The following CPNE4 variants were observed in gnomAD, a reference collection of about 807,000 sequenced individuals.
CPNE4 encodes copine-4.
In CPNE4, 25 loss-of-function variants were observed where a neutral mutation model predicts 67.9. The ratio of observed to expected loss-of-function variants is 0.37; its 90% CI spans 0.27 to 0.51. CPNE4 has a LOEUF of 0.51. Ranked by LOEUF, CPNE4 falls within the 20% of genes least tolerant of loss-of-function variation. CPNE4 has a pLI of 0.93. For synonymous variants in CPNE4, 242 were observed against 244.9 expected (o/e 0.99, Z 0.11); for missense variants, 464 against 690.8 (o/e 0.67, Z 3.68).
intron 7 of CPNE4, among the ~76,000 whole-genome samples, chr3:131,610,485 T>C (rs1299588172): frequency 6.6e-6 from 1 of 152,174 alleles, no homozygotes; most frequent in East Asian, 1.9e-4. Flanking sequence ...ATTGTTCTCC[T>C]TGAGTGTGCA....
intron 10 of CPNE4, among the ~76,000 whole-genome samples, chr3:131,574,250 C>T (rs961818855): frequency 3.9e-5 from 6 of 152,124 alleles, no homozygotes; most frequent in Admixed American, 3.3e-4. Context: ...CTCTTGTTTA[C>T]GTCCACATTG....
intron 11 of CPNE4, among the ~76,000 whole-genome samples, chr3:131,557,842 G>C (rs1017883935): frequency 6.6e-6 from 1 of 151,978 alleles, no homozygotes; most frequent in Non-Finnish European, 1.5e-5. Flanking sequence ...GTACTTTCTA[G>C]TTAAGCCTGA....
intron 1 of CPNE4, among the ~76,000 whole-genome samples, chr3:131,999,651 G>A (rs2073379664): frequency 6.6e-6 from 1 of 151,948 alleles, no homozygotes; most frequent in African/African-American, 2.4e-5. Context: ...TAGATAACAG[G>A]GTGGGTAGAT....
intron 1 of CPNE4, among the ~76,000 whole-genome samples, chr3:131,952,568 GT>G (rs1210968547): frequency 1.1e-5 from 1 of 89,330 alleles, no homozygotes; most frequent in South Asian, 3.3e-4. Flanking sequence ...CGGGAGGGAG[GT>G]GGGGGGGTCA....
At chr3:131,662,704 A>G (rs2080158235) in intron 7 of CPNE4, among the ~76,000 whole-genome samples, 2 of 152,274 alleles carry the variant, frequency 1.3e-5, no homozygotes, top group South Asian at 2.1e-4. Flanking sequence ...CAAAAAACAT[A>G]TGAAGAAAAG....
At chr3:131,892,392 G>A (rs1239299372) in intron 2 of CPNE4, among the ~76,000 whole-genome samples, 3 of 152,038 alleles carry the variant, frequency 2.0e-5, no homozygotes, top group African/African-American at 7.2e-5. Context: ...AAATGTTGAG[G>A]GAATTCATCA....
At chr3:131,587,699 C>T in intron 7 of CPNE4, 117 bp from the exon 8 acceptor site, 1 of 717,882 alleles carries the variant, frequency 1.4e-6, no homozygotes, top group Non-Finnish European at 2.3e-6. Flanking sequence ...GGAACCAAAG[C>T]CTGGGAGTCT....
At chr3:131,638,605 T>C (rs2079455774) in intron 7 of CPNE4, among the ~76,000 whole-genome samples, 1 of 152,042 alleles carries the variant, frequency 6.6e-6, no homozygotes, top group African/African-American at 2.4e-5. Flanking sequence ...CAGTGCTAGA[T>C]AGGTCATCAA....
chr3:132,034,548 A>G lies in CPNE4; in HGVS notation c.-2+19T>C. The G allele has an allele frequency of 1.0e-6, 1 of 978,152 alleles. No homozygotes were observed. The highest frequency in any genetic ancestry group is 1.2e-6 in the Non-Finnish European group (1 of 823,252). 60.6% of individuals were successfully genotyped at this position (978,152 alleles called of 1,614,324 possible). A position where few individuals can be genotyped will look rare whatever the true frequency, so the allele number is the denominator to read the frequency against. On this transcript the variant is annotated intron_variant, in intron 1 of 15. Coordinates refer to ENST00000429747, the MANE Select transcript of CPNE4 (RefSeq NM_130808.3). ...CAGCGCCCCAGGAACACAGGAATGA[A>G]GAGTTGGCATTTACTTACCTGGGTG...
chr3:131,789,372 G>A (rs548414529), intron 2 of CPNE4, among the ~76,000 whole-genome samples: 199 of 152,270 alleles, frequency 1.3e-3, no homozygotes, highest in Middle Eastern at 3.4e-3. Flanking sequence ...CCACCTAATA[G>A]TAGTGTGGCA....
At chr3:131,794,707 C>T (rs1214714407) in intron 2 of CPNE4, among the ~76,000 whole-genome samples, 1 of 152,198 alleles carries the variant, frequency 6.6e-6, no homozygotes. Flanking sequence ...AGTGCTAAAA[C>T]TTACAACGTA....
chr3:131,542,740 G>A lies in CPNE4; in HGVS notation c.1356C>T (p.Asp452=), dbSNP rs1287102636. Residue 452 remains aspartate (D), a synonymous_variant, in exon 15 of 16, where the codon GAC becomes GAT. Transcript: ENST00000429747. ...LTDGVITDMA[D]TREAIVHASH... ...AGGCATGGACAATGGCCTCCCGGGT[G>A]TCGGCCATGTCTGTGATAACACCAT... The A allele has an allele frequency of 1.2e-6, 2 of 1,614,032 alleles. No homozygotes were observed. Among genetic ancestry groups the A allele is most frequent in the South Asian group, 1.1e-5 (1 of 91,076 alleles).
rs1178642095 is a variant in CPNE4 at position 131,801,436 on chromosome 3, G to GTGTA, written c.181-77812_181-77811insTACA. 7.8e-5 allele frequency among the ~76,000 whole-genome samples: 7 copies of GTGTA among 89,298 alleles called. No homozygotes were observed. In the East Asian group the frequency reaches 1.5e-3, roughly 19 times the overall value. The allele number at this position is 89,298 out of a possible 152,430, so 58.6% of individuals were successfully genotyped here. A position where few individuals can be genotyped will look rare whatever the true frequency, so the allele number is the denominator to read the frequency against. On this transcript the variant is annotated intron_variant, in intron 2 of 15. Coordinates refer to ENST00000429747, the MANE Select transcript of CPNE4 (RefSeq NM_130808.3). ...TATACGTGTGTGTGTGTGTGTGTGTGTGTGTGTGTGTGTGTGTATATATAT... is the reference window on the plus strand; with the variant it reads ...TATACGTGTGTGTGTGTGTGTGTGTGTGTATGTGTGTGTGTGTGTGTATATATAT...
At chr3:131,954,222 T>A (rs1214652542) in intron 1 of CPNE4, among the ~76,000 whole-genome samples, 4 of 152,196 alleles carry the variant, frequency 2.6e-5, no homozygotes, top group Non-Finnish European at 5.9e-5. Flanking sequence ...AGGAAAAATA[T>A]GACATTGTAT....
At chr3:131,876,109 C>T (rs540246224) in intron 2 of CPNE4, among the ~76,000 whole-genome samples, 5 of 152,156 alleles carry the variant, frequency 3.3e-5, no homozygotes, top group Admixed American at 2.0e-4. Context: ...TGTGGTGGCA[C>T]ACGCCTGTAG....
intron 2 of CPNE4, among the ~76,000 whole-genome samples, chr3:131,876,327 G>C (rs2087450590): frequency 1.3e-5 from 2 of 151,766 alleles, no homozygotes; most frequent in Non-Finnish European, 2.9e-5. Flanking sequence ...TTTTTTGTGA[G>C]AATGTTTTAT....
chr3:131,889,231 C>T (rs375659027), intron 2 of CPNE4, among the ~76,000 whole-genome samples: 8 of 152,162 alleles, frequency 5.3e-5, no homozygotes, highest in East Asian at 1.9e-4. Context: ...GAAGTTGAGA[C>T]ATTTACAAAA....
chr3:131,695,423 C>T (rs1358336561), intron 5 of CPNE4, among the ~76,000 whole-genome samples: 2 of 116,984 alleles, frequency 1.7e-5, no homozygotes, highest in South Asian at 2.5e-4. Context: ...CCTCCAAGCC[C>T]GCCCCCTTTT....
rs1010742957 is a variant in CPNE4, at chr3:131,736,544, C to T, written c.181-12919G>A. 2.7e-5 allele frequency among the ~76,000 whole-genome samples: 4 copies of T among 147,824 alleles called. No homozygotes were observed. In the East Asian group the frequency reaches 6.0e-4, roughly 22 times the overall value. ...CTGAGGCAGGGGAATCACTTGAACC[C>T]GGGAGGCGGAGGTTGAGCGGAGATC... On this transcript the variant is annotated intron_variant, in intron 2 of 15. Transcript: ENST00000429747.
Sources: gnomAD v4.1 joint callset for allele counts (sites outside exome capture counted in the v4.1 genomes callset) on GRCh38, gnomAD v4.1.1 for gene constraint, MANE v1.5 for transcripts, NCBI Gene and HGNC (gene_info 2026-07-23, HGNC 2026-07-21) for gene names.